PACS2: variants seen among roughly 807,000 people sequenced by gnomAD.
PACS2 encodes the protein PACS1-like protein.
In PACS2, 36 loss-of-function variants were observed where a neutral mutation model predicts 113.0. The ratio of observed to expected loss-of-function variants is 0.32; its 90% CI spans 0.24 to 0.42. The LOEUF (loss-of-function observed/expected upper bound fraction) is 0.42, where lower values mean the gene tolerates loss of function less well. Ranked by LOEUF, PACS2 falls within the 10% of genes least tolerant of loss-of-function variation. The pLI, the probability that PACS2 is intolerant of heterozygous loss-of-function variation, is 1.00. For missense variants in PACS2, 1,015 were observed against 1,239.5 expected (o/e 0.82, Z 2.72); for synonymous variants, 589 against 536.1 (o/e 1.10, Z -1.36).
chr14:105,314,931 G>A lies in PACS2; in HGVS notation c.13G>A (p.Gly5Ser). The A allele has an allele frequency of 2.7e-6, 3 of 1,101,176 alleles. No individual in the cohort carries two copies. Among genetic ancestry groups the A allele is most frequent in the East Asian group, 7.5e-5 (1 of 13,348 alleles). The allele number at this position is 1,101,176 out of a possible 1,614,324, so 68.2% of individuals were successfully genotyped here. The change falls in exon 1 of 25, where the codon GGC becomes AGC. Residue 5 changes from glycine to serine, a missense_variant. This residue lies in a region of PACS2 where 140 missense variants were observed against 135.1 expected (regional missense o/e 1.04). Transcript: ENST00000447393. MAER[G>S]RLGLPGAPGA... ...CGGGGCCGGCGCCATGGCCGAGCGAGGCCGCCTCGGCCTCCCCGGCGCGCC... is the reference window on the plus strand; with the variant it reads ...CGGGGCCGGCGCCATGGCCGAGCGAAGCCGCCTCGGCCTCCCCGGCGCGCC...
chr14:105,334,573 G>C (rs1178514537), intron 1 of PACS2, among the ~76,000 whole-genome samples: 2 of 150,694 alleles, frequency 1.3e-5, no homozygotes, highest in Non-Finnish European at 3.0e-5. Context: ...CCACCTGAGG[G>C]CCAGTATGTG....
intron 1 of PACS2, among the ~76,000 whole-genome samples, chr14:105,321,435 T>C (rs1156843588): frequency 6.6e-6 from 1 of 152,082 alleles, no homozygotes; most frequent in African/African-American, 2.4e-5. Context: ...CGATCACAGC[T>C]CACTGTAGCC....
chr14:105,373,812 C>T (rs1485403201), intron 8 of PACS2, among the ~76,000 whole-genome samples: 2 of 151,752 alleles, frequency 1.3e-5, no homozygotes, highest in Non-Finnish European at 2.9e-5. Context: ...AATTTGGACC[C>T]CTACCTCACA....
chr14:105,391,970 G>T, intron 22 of PACS2: 1 of 578,314 alleles, frequency 1.7e-6, no homozygotes. Flanking sequence ...GACCTCTGGG[G>T]GACAGAAACT....
Position 105,348,877 on chromosome 14 carries a change from G to A in PACS2, c.207+297G>A. The A allele has an allele frequency of 8.5e-6, 3 of 354,980 alleles. No individual in the cohort carries two copies. Among genetic ancestry groups the A allele is most frequent in the South Asian group, 2.7e-5 (1 of 36,930 alleles). The allele number at this position is 354,980 out of a possible 1,614,324, so 22.0% of individuals were successfully genotyped here. On this transcript the variant is annotated intron_variant, in intron 2 of 24. Coordinates refer to ENST00000447393, the MANE Select transcript of PACS2 (RefSeq NM_001100913.3). This position sits in a 1 kb window ranked among gnomAD's most constrained non-coding sequence, Gnocchi z 6.4. The stretch of plus-strand genomic sequence containing the variant: ...GTGATGGACGGGCCCCAAGCACCTG[G>A]AGCCAGGGCTTCCCTGCTGCACTCA...
At chr14:105,316,387 G>T (rs1476003700) in intron 1 of PACS2, among the ~76,000 whole-genome samples, 1 of 152,210 alleles carries the variant, frequency 6.6e-6, no homozygotes, top group Non-Finnish European at 1.5e-5. Flanking sequence ...AGGTCTTGGC[G>T]ATTGCCCCAA....
intron 21 of PACS2, 113 bp downstream of exon 21, chr14:105,391,362 G>A (rs587622052): frequency 4.1e-5 from 34 of 822,342 alleles, no homozygotes; most frequent in Admixed American, 4.1e-4. Flanking sequence ...GAGCCGCCAC[G>A]TCCCAGTCTT....
chr14:105,367,459 T>C, intron 5 of PACS2, 84 bp downstream of exon 5: 3 of 1,402,096 alleles, frequency 2.1e-6, no homozygotes, highest in Non-Finnish European at 3.0e-6. Flanking sequence ...GCAGAAACTG[T>C]CCAGCCTGGC....
At chr14:105,380,184 TC>T (rs1478426071) in intron 11 of PACS2, 30 bp downstream of exon 11, 4 of 1,532,062 alleles carry the variant, frequency 2.6e-6, no homozygotes, top group Non-Finnish European at 3.5e-6. Flanking sequence ...ACCCACCCGT[TC>T]CACACATCAG....
At position 105,380,094 on chromosome 14, in the gene PACS2, G is replaced by T; in HGVS notation, c.1065G>T (p.Glu355Asp). Residue 355 changes from glutamate (E) to aspartate (D), a missense_variant, in exon 11 of 25, where the codon GAG (glutamate) becomes GAT (aspartate). Transcript: ENST00000447393. ...CTCCCCCACAGGCTGACGTGCCCGA[G>T]AAGACGCGGTCCCTGGGAGGCAGGC... is the stretch of plus-strand genomic sequence containing the variant. ...KEPPSPADVP[E>D]KTRSLGGRQP... 6.4e-7 allele frequency: 1 copy of T among 1,553,058 alleles called. No homozygotes were observed.
chr14:105,368,390 G>A, intron 6 of PACS2, 69 bp from the exon 7 acceptor site: 1 of 1,252,068 alleles, frequency 8.0e-7, no homozygotes. Flanking sequence ...CGCCCACGCT[G>A]AGGCTGGCAG....
In PACS2 at chr14:105,394,780, G is replaced by T; in HGVS notation, c.*108G>T. ...GAGACAGACGCTTAAAACACAAAGA[G>T]AAACAGTCTTAAGTATGAATGTGCT... is the stretch of plus-strand genomic sequence containing the variant. On this transcript the variant is annotated 3_prime_UTR_variant, in exon 25 of 25. Transcript: ENST00000447393. 2.5e-6 allele frequency: 2 copies of T among 785,704 alleles called. No homozygotes were observed. The allele number at this position is 785,704 out of a possible 1,614,324, so 48.7% of individuals were successfully genotyped here.
chr14:105,381,198 G>A (rs2080981813), intron 12 of PACS2, 99 bp downstream of exon 12: 1 of 1,028,226 alleles, frequency 9.7e-7, no homozygotes, highest in East Asian at 2.6e-5. Context: ...AGTCCATCCT[G>A]ATGAGCTCCC....
chr14:105,363,449 T>TA (rs1308995701), intron 4 of PACS2, among the ~76,000 whole-genome samples: 2 of 152,226 alleles, frequency 1.3e-5, no homozygotes, highest in Non-Finnish European at 2.9e-5. Context: ...GCATTTCTGT[T>TA]ATGGAGACGG....
intron 4 of PACS2, among the ~76,000 whole-genome samples, chr14:105,359,243 G>A (rs1367426134): frequency 1.3e-5 from 2 of 151,216 alleles, no homozygotes; most frequent in African/African-American, 4.9e-5. Context: ...CTCTGCCATC[G>A]TCAGTGCCCT....
In PACS2 at chr14:105,351,487, T is replaced by C. The variant is rs115091034; in HGVS notation, c.208-891T>C. Reference sequence around the variant, plus strand: ...CAGCATCTCCGTATTTTAAGTATTGTATCTCTGTATGTTTTACTTTCTGAG... The same window carrying C: ...CAGCATCTCCGTATTTTAAGTATTGCATCTCTGTATGTTTTACTTTCTGAG... On this transcript the variant is annotated intron_variant, in intron 2 of 24. Coordinates refer to ENST00000447393, the MANE Select transcript of PACS2 (RefSeq NM_001100913.3). Among the ~76,000 whole-genome samples the C allele has an allele frequency of 4.9e-3, 739 of 152,314 alleles. 7 individuals are homozygous for C. The highest frequency in any genetic ancestry group is 0.017 in the African/African-American group (707 of 41,562).
In PACS2 at chr14:105,364,424, C is replaced by T. The variant is rs1334576097; in HGVS notation, c.424-2789C>T. 1.4e-3 allele frequency among the ~76,000 whole-genome samples: 159 copies of T among 110,540 alleles called. 2 individuals carry two copies. The highest frequency in any genetic ancestry group is 6.2e-3 in the African/African-American group (147 of 23,854). The allele number at this position is 110,540 out of a possible 152,430, so 72.5% of individuals were successfully genotyped here. A position where few individuals can be genotyped will look rare whatever the true frequency, so the allele number is the denominator to read the frequency against. The stretch of plus-strand genomic sequence containing the variant: ...CCCGGGTGCGCGGTGGGCGGTGTCC[C>T]GGGTGCGCGGTGGGCGGCGTCCCGG... On this transcript the variant is annotated intron_variant, in intron 4 of 24. Transcript: ENST00000447393.
intron 6 of PACS2, 43 bp downstream of exon 6, chr14:105,368,190 C>T (rs375258676): frequency 1.8e-5 from 25 of 1,404,526 alleles, no homozygotes; most frequent in Admixed American, 3.4e-5. Context: ...TGGCTCACAC[C>T]GGGTGTCCTG....
In PACS2 at chr14:105,348,226, A is replaced by G. The variant is rs376575393; in HGVS notation, c.120-267A>G. On this transcript the variant is annotated intron_variant, in intron 1 of 24. Coordinates refer to ENST00000447393, the MANE Select transcript of PACS2 (RefSeq NM_001100913.3). The surrounding 1 kb of genome is among the most constrained non-coding windows in gnomAD (Gnocchi z 6.4). ...CACAGGCCCACACTGAGTGAGTTCC[A>G]TGGGAGGGAGGCTCACCCTCAGGGG... Among the ~76,000 whole-genome samples, 2 of 152,036 alleles carry G rather than the reference A, an allele frequency of 1.3e-5. No individual in the cohort carries two copies. The highest frequency in any genetic ancestry group is 4.8e-5 in the African/African-American group (2 of 41,388).
Sources: gnomAD v4.1 joint callset for allele counts (sites outside exome capture counted in the v4.1 genomes callset) on GRCh38, gnomAD v4.1.1 for gene constraint, gnomAD v4.1.1 regional missense constraint, Gnocchi (gnomAD v3.1) non-coding constraint, MANE v1.5 for transcripts, NCBI Gene and HGNC (gene_info 2026-07-23, HGNC 2026-07-21) for gene names.